The following ANKIB1 variants were observed in gnomAD, a reference collection of about 807,000 sequenced individuals.
ANKIB1 encodes ankyrin repeat and IBR domain containing 1, also known as ankyrin repeat and IBR domain-containing protein 1.
A neutral mutation model predicts 122.1 loss-of-function variants in ANKIB1; 43 were observed. That is an observed-to-expected ratio of 0.35 (90% CI 0.28 to 0.45). The LOEUF (loss-of-function observed/expected upper bound fraction) is 0.45, where lower values mean the gene tolerates loss of function less well. Ranked by LOEUF, ANKIB1 falls within the 20% of genes least tolerant of loss-of-function variation. The pLI is 1.00. For synonymous variants in ANKIB1, 390 were observed against 442.0 expected, an observed-to-expected ratio of 0.88 and a Z score of 1.48; for missense variants, 992 against 1,329.5, an observed-to-expected ratio of 0.75 and a Z score of 3.95.
At chr7:92,318,920 T>C (rs1265528736) in intron 3 of ANKIB1, among the ~76,000 whole-genome samples, 1 of 152,206 alleles carries the variant, frequency 6.6e-6, no homozygotes, top group African/African-American at 2.4e-5. Flanking sequence ...ATCCAGACTT[T>C]AGTAGTTAAA....
intron 17 of ANKIB1, among the ~76,000 whole-genome samples, chr7:92,394,704 C>T (rs540184579): frequency 6.6e-6 from 1 of 152,240 alleles, no homozygotes; most frequent in East Asian, 1.9e-4. Context: ...CTTGACGACA[C>T]TTAAGTCATC....
At chr7:92,260,750 A>G (rs1477668073) in intron 1 of ANKIB1, among the ~76,000 whole-genome samples, 2 of 152,064 alleles carry the variant, frequency 1.3e-5, no homozygotes, top group Admixed American at 6.5e-5. Flanking sequence ...GCAGCACCAC[A>G]AAACTCTCCT....
At chr7:92,255,271 A>G (rs1191724172) in intron 1 of ANKIB1, among the ~76,000 whole-genome samples, 2 of 152,226 alleles carry the variant, frequency 1.3e-5, no homozygotes, top group African/African-American at 2.4e-5. Context: ...ACTTTTTCCT[A>G]AACTTTCTTC....
At chr7:92,330,354 C>T (rs1803142371) in intron 5 of ANKIB1, among the ~76,000 whole-genome samples, 1 of 151,966 alleles carries the variant, frequency 6.6e-6, no homozygotes, top group Admixed American at 6.6e-5. Flanking sequence ...ATATATTAAT[C>T]ACTCAGAAAA....
At chr7:92,357,069 G>T (rs375685541) in intron 9 of ANKIB1, among the ~76,000 whole-genome samples, 1 of 152,308 alleles carries the variant, frequency 6.6e-6, no homozygotes, top group African/African-American at 2.4e-5. Context: ...TAAAACTTCA[G>T]TGGAAGGTTT....
At position 92,352,477 on chromosome 7, in the gene ANKIB1, C is replaced by A. The variant is rs1468264804; in HGVS notation, c.1232C>A (p.Ala411Asp). The change falls in exon 9 of 20, where the codon GCC (alanine) becomes GAC (aspartate). Residue 411 changes from alanine to aspartate, a missense_variant and splice_region_variant. Coordinates refer to ENST00000265742, the MANE Select transcript of ANKIB1 (RefSeq NM_019004.2). ...DKRYLQFDIK[A>D]FVENNPAIKW... The stretch of plus-strand genomic sequence containing the variant: ...GTTTTGTTATTGCTGTTTAAACAGG[C>A]CTTTGTTGAAAATAATCCTGCCATT... The A allele has an allele frequency of 1.2e-6, 2 of 1,612,688 alleles. No homozygotes were observed. Among genetic ancestry groups the A allele is most frequent in the African/African-American group, 2.7e-5 (2 of 74,828 alleles).
intron 6 of ANKIB1, among the ~76,000 whole-genome samples, chr7:92,344,607 G>T (rs1019391306): frequency 1.3e-5 from 2 of 152,158 alleles, no homozygotes; most frequent in Non-Finnish European, 2.9e-5. Context: ...GATTTTGAAG[G>T]GTAGGTGTAA....
intron 5 of ANKIB1, among the ~76,000 whole-genome samples, chr7:92,338,455 A>C (rs1344160252): frequency 6.6e-6 from 1 of 151,440 alleles, no homozygotes; most frequent in Admixed American, 6.6e-5. Context: ...TTAGGAAATT[A>C]ATATATATGT....
intron 5 of ANKIB1, among the ~76,000 whole-genome samples, chr7:92,336,324 G>A (rs1488173417): frequency 6.6e-6 from 1 of 151,270 alleles, no homozygotes. Flanking sequence ...ATTTACACTC[G>A]GTTCTTTTTT....
intron 1 of ANKIB1, among the ~76,000 whole-genome samples, chr7:92,279,816 C>G (rs756554733): frequency 4.6e-5 from 7 of 152,102 alleles, no homozygotes; most frequent in Non-Finnish European, 1.0e-4. Context: ...TTTTCTTAAG[C>G]CTTTTTTATC....
chr7:92,248,042 T>C (rs568160777), intron 1 of ANKIB1, among the ~76,000 whole-genome samples: 9 of 151,944 alleles, frequency 5.9e-5, no homozygotes, highest in Non-Finnish European at 4.4e-5. Flanking sequence ...CTGTGCAGAG[T>C]TGAGTGTATT....
intron 4 of ANKIB1, among the ~76,000 whole-genome samples, chr7:92,320,818 C>T (rs1585105847): frequency 6.6e-6 from 1 of 152,232 alleles, no homozygotes; most frequent in East Asian, 1.9e-4. Context: ...AAATGTTATA[C>T]ATATCATTTA....
intron 1 of ANKIB1, among the ~76,000 whole-genome samples, chr7:92,253,055 C>T (rs957954334): frequency 1.3e-5 from 2 of 152,148 alleles, no homozygotes; most frequent in African/African-American, 4.8e-5. Context: ...TATACACACA[C>T]ATAGGCAAAA....
chr7:92,324,839 A>G (rs1195016701), intron 4 of ANKIB1, among the ~76,000 whole-genome samples: 2 of 152,206 alleles, frequency 1.3e-5, no homozygotes, highest in African/African-American at 4.8e-5. Flanking sequence ...TCTTATTTCC[A>G]TCATTCAACA....
intron 3 of ANKIB1, among the ~76,000 whole-genome samples, chr7:92,312,899 A>G (rs558651198): frequency 1.3e-5 from 2 of 152,126 alleles, no homozygotes; most frequent in Non-Finnish European, 2.9e-5. Context: ...TTTGTTTTCT[A>G]CTTGGGAACA....
rs577745978 is a variant in ANKIB1, at chr7:92,270,187, C to T, written c.-91+23668C>T. 1.5e-4 allele frequency among the ~76,000 whole-genome samples: 23 copies of T among 152,198 alleles called. No homozygotes were observed. The South Asian group carries it at 4.6e-3, about 30-fold the overall frequency. ...AAATGATCCTCCCACCACAGCCACC[C>T]GAGTAGCTGGGACTGTAGGCGCATG... is the stretch of plus-strand genomic sequence containing the variant. On this transcript the variant is annotated intron_variant, in intron 1 of 19. Transcript: ENST00000265742.
intron 1 of ANKIB1, among the ~76,000 whole-genome samples, chr7:92,260,612 GGCTGAGGGTGCAATGA>G (rs1309010298): frequency 1.3e-5 from 2 of 152,044 alleles, no homozygotes; most frequent in Non-Finnish European, 2.9e-5. Flanking sequence ...GAGCCTGGGA[GGCTGAGGGTGCAATGA>G]GTCATGATTG....
chr7:92,261,839 C>T (rs906421832), intron 1 of ANKIB1, among the ~76,000 whole-genome samples: 2 of 152,078 alleles, frequency 1.3e-5, no homozygotes, highest in Non-Finnish European at 2.9e-5. Flanking sequence ...AGGTATTTTG[C>T]GCTAGTGTCA....
intron 9 of ANKIB1, among the ~76,000 whole-genome samples, chr7:92,354,681 C>G (rs983613656): frequency 5.9e-5 from 9 of 151,886 alleles, no homozygotes; most frequent in Non-Finnish European, 1.3e-4. Flanking sequence ...ATTTACAGTT[C>G]CTGTTTTTTT....
Sources: allele counts gnomAD v4.1 joint callset (sites outside exome capture counted in the v4.1 genomes callset), GRCh38; gene constraint gnomAD v4.1.1; transcripts MANE v1.5; gene names NCBI Gene and HGNC (gene_info 2026-07-23, HGNC 2026-07-21).